The following FIGNL1 variants were observed in gnomAD, a reference collection of about 807,000 sequenced individuals.
FIGNL1 encodes fidgetin-like protein 1.
A neutral mutation model predicts 28.9 loss-of-function variants in FIGNL1; 11 were observed. The ratio of observed to expected loss-of-function variants is 0.38; its 90% CI spans 0.24 to 0.63. The LOEUF (loss-of-function observed/expected upper bound fraction) is 0.63. Among genes scored for constraint, FIGNL1 ranks in the 20% least tolerant of loss-of-function variants. The pLI, the probability that FIGNL1 is intolerant of heterozygous loss-of-function variation, is 0.57. For missense variants in FIGNL1, 789 were observed against 810.4 expected, an observed-to-expected ratio of 0.97 and a Z score of 0.32; for synonymous variants, 295 against 276.5, an observed-to-expected ratio of 1.07 and a Z score of -0.66.
Position 50,445,793 on chromosome 7 carries a change from T to C in FIGNL1, c.1495A>G (p.Ile499Val). ...GATAACAAGGAATCAATTTCGTCAATAAATATCACAGCTGGTTGCTGACAC... is the reference window on the plus strand; with the variant it reads ...GATAACAAGGAATCAATTTCGTCAACAAATATCACAGCTGGTTGCTGACAC... ...ARCQQPAVIF[I>V]DEIDSLLSQR... The change falls in exon 4 of 4, where the codon ATT becomes GTT. Residue 499 changes from isoleucine to valine, a missense_variant. Physicochemically the swap from Ile to Val is conservative, Grantham distance 29. Transcript: ENST00000433017. 6.2e-7 allele frequency: 1 copy of C among 1,614,222 alleles called. No individual in the cohort carries two copies. The highest frequency in any genetic ancestry group is 8.5e-7 in the Non-Finnish European group (1 of 1,180,042).
At position 50,445,344 on chromosome 7, in the gene FIGNL1, A is replaced by G. The variant is rs746239007; in HGVS notation, c.1944T>C (p.Phe648=). ...GAGAAACACTAGGTCGCACAGTTCT[A>G]AAAGCATTTTCAAAATCAATGTAAG... is the stretch of plus-strand genomic sequence containing the variant. ...PIAYIDFENA[F]RTVRPSVSPK... is the part of the protein sequence containing the mutation. The change falls in exon 4 of 4, where the codon TTT becomes TTC. Residue 648 remains phenylalanine, a synonymous_variant. Coordinates refer to ENST00000433017, the MANE Select transcript of FIGNL1 (RefSeq NM_001287492.4). The G allele has an allele frequency of 1.1e-5, 18 of 1,614,052 alleles. No homozygotes were observed. The highest frequency in any genetic ancestry group is 1.4e-5 in the Non-Finnish European group (17 of 1,179,972).
Position 50,447,177 on chromosome 7 carries a change from C to G in FIGNL1, c.111G>C (p.Gln37His). ...CCCATGCATACTGAATGCGTAATAT[C>G]TGTGCACGGTATGCATCTGCCTTCG... The part of the protein sequence containing the change: ...TGPKADAYRA[Q>H]ILRIQYAWAN... Residue 37 changes from glutamine (Q) to histidine (H), a missense_variant, in exon 4 of 4, where the codon CAG becomes CAC. Coordinates refer to ENST00000433017, the MANE Select transcript of FIGNL1 (RefSeq NM_001287492.4). The G allele has an allele frequency of 6.2e-7, 1 of 1,614,226 alleles. No individual in the cohort carries two copies. The highest frequency in any genetic ancestry group is 8.5e-7 in the Non-Finnish European group (1 of 1,180,044).
At chr7:50,448,681 G>C (rs778842199) in intron 2 of FIGNL1, 1 of 152,218 alleles carries the variant, frequency 6.6e-6, no homozygotes, top group East Asian at 1.9e-4. Flanking sequence ...CCCTACTTTA[G>C]GTTCAAGTAT....
Position 50,449,322 on chromosome 7 carries a change from A to C in FIGNL1, c.-324T>G, listed in dbSNP as rs1047537137. On this transcript the variant is annotated 5_prime_UTR_variant, in exon 2 of 4. Transcript: ENST00000433017. Reference sequence around the variant, plus strand: ...CCATTTCCAAGTCAATTTAACCTTTATGGCCTTTCCTAGATCTAAAAAGTA... The same window carrying C: ...CCATTTCCAAGTCAATTTAACCTTTCTGGCCTTTCCTAGATCTAAAAAGTA... 5.3e-5 allele frequency: 8 copies of C among 152,236 alleles called. No homozygotes were observed. Among genetic ancestry groups the C allele is most frequent in the Non-Finnish European group, 1.2e-4 (8 of 68,038 alleles). 9.4% of individuals were successfully genotyped at this position (152,236 alleles called of 1,614,324 possible). A position where few individuals can be genotyped will look rare whatever the true frequency, so the allele number is the denominator to read the frequency against.
In FIGNL1 at chr7:50,445,110, C is replaced by G; in HGVS notation, c.*153G>C. The G allele has an allele frequency of 2.0e-6, 1 of 490,766 alleles. No homozygotes were observed. Among genetic ancestry groups the G allele is most frequent in the Non-Finnish European group, 3.4e-6 (1 of 290,582 alleles). 30.4% of individuals were successfully genotyped at this position (490,766 alleles called of 1,614,324 possible). A position where few individuals can be genotyped will look rare whatever the true frequency, so the allele number is the denominator to read the frequency against. ...GGAAAGCAAAACTTACATTAACATA[C>G]ACTATGTCAATCAGATGTAAAATCT... is the stretch of plus-strand genomic sequence containing the variant. On this transcript the variant is annotated 3_prime_UTR_variant, in exon 4 of 4. Coordinates refer to ENST00000433017, the MANE Select transcript of FIGNL1 (RefSeq NM_001287492.4).
Position 50,446,473 on chromosome 7 carries a change from G to A in FIGNL1, c.815C>T (p.Pro272Leu), listed in dbSNP as rs762758199. ...TTTACTACAAGCCTTATTCAGTATT[G>A]GATTGGAAAGTGCATCAATGGTGCC... Reference protein sequence around the residue: ...GSGTIDALSNPILNKACSKTE... With the variant: ...GSGTIDALSNLILNKACSKTE... Residue 272 changes from proline (P) to leucine (L), a missense_variant, in exon 4 of 4, where the codon CCA (proline) becomes CTA (leucine). Pro to Leu is a moderately conservative substitution (Grantham distance 98). Transcript: ENST00000433017. The A allele has an allele frequency of 1.5e-5, 24 of 1,614,000 alleles. No individual in the cohort carries two copies. The highest frequency in any genetic ancestry group is 1.9e-5 in the Non-Finnish European group (23 of 1,180,046).
In FIGNL1 at chr7:50,446,150, C is replaced by G; in HGVS notation, c.1138G>C (p.Glu380Gln). Reference sequence around the variant, plus strand: ...ATAATAAGTTCAATCATCTTTGGCTCCAAGTTCTTCAGACGCTCATCAACT... The same window carrying G: ...ATAATAAGTTCAATCATCTTTGGCTGCAAGTTCTTCAGACGCTCATCAACT... ...HPVDERLKNL[E>Q]PKMIELIMNE... Residue 380 changes from glutamate to glutamine, a missense_variant, in exon 4 of 4, where the codon GAG becomes CAG. Transcript: ENST00000433017. The G allele has an allele frequency of 6.2e-7, 1 of 1,614,198 alleles. No individual in the cohort carries two copies. The highest frequency in any genetic ancestry group is 8.5e-7 in the Non-Finnish European group (1 of 1,180,046).
Position 50,446,746 on chromosome 7 carries a change from C to G in FIGNL1, c.542G>C (p.Arg181Pro), listed in dbSNP as rs769916275. ...CTGGGCATTCTGAAGGAGTTTCAAA[C>G]GATTGCTCTCCGGGAAGTCTTGGGT... The part of the protein sequence containing the change: ...DRTQDFPESN[R>P]LKLLQNAQPP... The change falls in exon 4 of 4, where the codon CGT (arginine) becomes CCT (proline). Residue 181 changes from arginine to proline, a missense_variant. Physicochemically the swap from Arg to Pro is moderately radical, Grantham distance 103. Coordinates refer to ENST00000433017, the MANE Select transcript of FIGNL1 (RefSeq NM_001287492.4). The G allele has an allele frequency of 6.2e-7, 1 of 1,614,184 alleles. No individual in the cohort carries two copies.
chr7:50,446,916 T>A lies in FIGNL1; in HGVS notation c.372A>T (p.Lys124Asn). Reference sequence around the variant, plus strand: ...CAGGTTCCAACAGAGAGTCTTTGAATTTTTTGCCAGCTTGCATCATCTTCT... The same window carrying A: ...CAGGTTCCAACAGAGAGTCTTTGAAATTTTTGCCAGCTTGCATCATCTTCT... ...SVQKMMQAGK[K>N]FKDSLLEPAL... The change falls in exon 4 of 4, where the codon AAA becomes AAT. Residue 124 changes from lysine to asparagine, a missense_variant. Transcript: ENST00000433017. 1 of 1,614,174 alleles carries A rather than the reference T, an allele frequency of 6.2e-7. No homozygotes were observed. The highest frequency in any genetic ancestry group is 1.1e-5 in the South Asian group (1 of 91,084).
Position 50,445,580 on chromosome 7 carries a change from C to T in FIGNL1, c.1708G>A (p.Ala570Thr). The change falls in exon 4 of 4, where the codon GCT (alanine) becomes ACT (threonine). Residue 570 changes from alanine to threonine, a missense_variant. Transcript: ENST00000433017. Reference sequence around the variant, plus strand: ...ATTACTATCTGTTTCCTGGCTGAAGCTTCTGGGAGGGGAATATAAAGCCTT... The same window carrying T: ...ATTACTATCTGTTTCCTGGCTGAAGTTTCTGGGAGGGGAATATAAAGCCTT... ...VKRLYIPLPE[A>T]SARKQIVINL... 1 of 1,614,198 alleles carries T rather than the reference C, an allele frequency of 6.2e-7. No homozygotes were observed. Among genetic ancestry groups the T allele is most frequent in the Non-Finnish European group, 8.5e-7 (1 of 1,180,030 alleles).
Position 50,445,704 on chromosome 7 carries a change from T to G in FIGNL1, c.1584A>C (p.Leu528Phe), listed in dbSNP as rs1339276528. The G allele has an allele frequency of 6.2e-7, 1 of 1,614,204 alleles. No homozygotes were observed. Among genetic ancestry groups the G allele is most frequent in the African/African-American group, 1.3e-5 (1 of 75,070 alleles). ...CTTCAGAAGATGTTGTTGCTCCATC[T>G]AATTGAACTAAAAATTCTGTTTTTA... ...RRIKTEFLVQ[L>F]DGATTSSEDR... is the part of the protein sequence containing the mutation. Residue 528 changes from leucine (L) to phenylalanine (F), a missense_variant, in exon 4 of 4, where the codon TTA becomes TTC. By Grantham distance (22) the Leu-to-Phe change is conservative. Coordinates refer to ENST00000433017, the MANE Select transcript of FIGNL1 (RefSeq NM_001287492.4).
In FIGNL1 at chr7:50,446,735, G is replaced by A. The variant is rs1051478752; in HGVS notation, c.553C>T (p.Leu185Phe). Residue 185 changes from leucine to phenylalanine, a missense_variant, in exon 4 of 4, where the codon CTT (leucine) becomes TTT (phenylalanine). By Grantham distance (22) the Leu-to-Phe change is conservative. Transcript: ENST00000433017. ...DFPESNRLKL[L>F]QNAQPPMVTN... is the part of the protein sequence containing the mutation. ...ACCATAGGTGGCTGGGCATTCTGAA[G>A]GAGTTTCAAACGATTGCTCTCCGGG... 2 of 1,614,216 alleles carry A rather than the reference G, an allele frequency of 1.2e-6. No homozygotes were observed. Among genetic ancestry groups the A allele is most frequent in the South Asian group, 2.2e-5 (2 of 91,082 alleles).
In FIGNL1 at chr7:50,450,322, G is replaced by C. The variant is rs1169111061; in HGVS notation, c.-747C>G. The C allele has an allele frequency of 1.3e-5, 2 of 152,458 alleles. No individual in the cohort carries two copies. Among genetic ancestry groups the C allele is most frequent in the African/African-American group, 4.8e-5 (2 of 41,472 alleles). 9.4% of individuals were successfully genotyped at this position (152,458 alleles called of 1,614,324 possible). ...CTACCTGCGGCTGGTGTGGGACGCT[G>C]GCAGCCTCCGAAAAGCGCGGGGACT... On this transcript the variant is annotated 5_prime_UTR_variant, in exon 1 of 4. Coordinates refer to ENST00000433017, the MANE Select transcript of FIGNL1 (RefSeq NM_001287492.4).
rs770898308 is a variant in FIGNL1, at chr7:50,445,928, T to C, written c.1360A>G (p.Ile454Val). ...AATGTTGCCCCAGACTGACTAGCAATGCACTTGCCAATTAGAGTTTTACCA... is the reference window on the plus strand; with the variant it reads ...AATGTTGCCCCAGACTGACTAGCAACGCACTTGCCAATTAGAGTTTTACCA... ...GTGKTLIGKC[I>V]ASQSGATFFS... Residue 454 changes from isoleucine (I) to valine (V), a missense_variant, in exon 4 of 4, where the codon ATT becomes GTT. Physicochemically the swap from Ile to Val is conservative, Grantham distance 29 (BLOSUM62 3). Transcript: ENST00000433017. 3.1e-6 allele frequency: 5 copies of C among 1,614,024 alleles called. No individual in the cohort carries two copies. Among genetic ancestry groups the C allele is most frequent in the Non-Finnish European group, 4.2e-6 (5 of 1,180,040 alleles).
rs147269533 is a variant in FIGNL1 at position 50,447,570 on chromosome 7, A to G, written c.-10-273T>C. 8.9e-3 allele frequency among the ~76,000 whole-genome samples: 1,353 copies of G among 152,280 alleles called. 21 individuals are homozygous for G. Among genetic ancestry groups the G allele is most frequent in the African/African-American group, 0.031 (1,271 of 41,556 alleles). ...GTTCTAGTTACATAATTTTATCTGT[A>G]GGGAAAGCATTCATAAGGTTTAAAA... On this transcript the variant is annotated intron_variant, in intron 3 of 3. Coordinates refer to ENST00000433017, the MANE Select transcript of FIGNL1 (RefSeq NM_001287492.4).
chr7:50,446,757 C>A lies in FIGNL1; in HGVS notation c.531G>T (p.Pro177=), dbSNP rs78469897. Residue 177 remains proline (P), a synonymous_variant, in exon 4 of 4, where the codon CCG becomes CCT. Transcript: ENST00000433017. ...GAAGGAGTTTCAAACGATTGCTCTCCGGGAAGTCTTGGGTCCGGTCTCGAT... is the reference window on the plus strand; with the variant it reads ...GAAGGAGTTTCAAACGATTGCTCTCAGGGAAGTCTTGGGTCCGGTCTCGAT... ...AHDRDRTQDF[P]ESNRLKLLQN... 6.2e-7 allele frequency: 1 copy of A among 1,614,098 alleles called. No individual in the cohort carries two copies. The highest frequency in any genetic ancestry group is 8.5e-7 in the Non-Finnish European group (1 of 1,180,032).
In FIGNL1 at chr7:50,446,451, A is replaced by C. The variant is rs777801333; in HGVS notation, c.837T>G (p.Ser279Arg). 1 of 1,614,142 alleles carries C rather than the reference A, an allele frequency of 6.2e-7. No individual in the cohort carries two copies. Among genetic ancestry groups the C allele is most frequent in the Non-Finnish European group, 8.5e-7 (1 of 1,180,016 alleles). ...CCTTTGGGCCATTATCTTCTGTTTTACTACAAGCCTTATTCAGTATTGGAT... is the reference window on the plus strand; with the variant it reads ...CCTTTGGGCCATTATCTTCTGTTTTCCTACAAGCCTTATTCAGTATTGGAT... ...LSNPILNKAC[S>R]KTEDNGPKED... The change falls in exon 4 of 4, where the codon AGT (serine) becomes AGG (arginine). Residue 279 changes from serine to arginine, a missense_variant. Transcript: ENST00000433017.
chr7:50,445,852 TC>T lies in FIGNL1; in HGVS notation c.1435del (p.Glu479ArgfsTer18), dbSNP rs765820573. The T allele has an allele frequency of 6.2e-7, 1 of 1,614,122 alleles. No individual in the cohort carries two copies. Among genetic ancestry groups the T allele is most frequent in the South Asian group, 1.1e-5 (1 of 91,080 alleles). On this transcript the variant is annotated frameshift_variant, in exon 4 of 4. Coordinates refer to ENST00000433017, the MANE Select transcript of FIGNL1 (RefSeq NM_001287492.4). LOFTEE classifies it high-confidence loss of function. ...AGCAAACAATGCACGGACCATTTTCTCCCCCTCACCTACCCATTTAGAAGTT... is the reference window on the plus strand; with the variant it reads ...AGCAAACAATGCACGGACCATTTTCTCCCCTCACCTACCCATTTAGAAGTT... ...SLTSKWVGEGEKMVRALFAVA... is the reference protein window; with the variant it reads ...SLTSKWVGEGXKMVRALFAVA...
rs111599937 is a variant in FIGNL1 at position 50,446,292 on chromosome 7, T to C, written c.996A>G (p.Arg332=). 2.3e-5 allele frequency: 37 copies of C among 1,614,100 alleles called. No individual in the cohort carries two copies. The highest frequency in any genetic ancestry group is 2.9e-5 in the Non-Finnish European group (34 of 1,180,050). The change falls in exon 4 of 4, where the codon AGA becomes AGG. Residue 332 remains arginine (R), a synonymous_variant. Transcript: ENST00000433017. ...CAAACTTTCCAAGTATCCCTCGGGATCTACTAGCTCCTAGAGACTTTTTTA... is the reference window on the plus strand; with the variant it reads ...CAAACTTTCCAAGTATCCCTCGGGACCTACTAGCTCCTAGAGACTTTTTTA... ...GGVKKSLGAS[R]SRGILGKFVP...
Sources: gnomAD v4.1 joint callset for allele counts (sites outside exome capture counted in the v4.1 genomes callset) on GRCh38, gnomAD v4.1.1 for gene constraint, MANE v1.5 for transcripts, NCBI Gene and HGNC (gene_info 2026-07-23, HGNC 2026-07-21) for gene names.